Variants in FRMD4A observed in about 807,000 individuals in gnomAD.
FRMD4A encodes the protein FERM domain containing 4A.
Under a neutral mutation model 129.1 loss-of-function variants are expected in FRMD4A, and 29 were observed. That is an observed-to-expected ratio of 0.22 (90% CI 0.17 to 0.31). FRMD4A has a LOEUF of 0.31. Ranked by LOEUF, FRMD4A falls within the 10% of genes least tolerant of loss-of-function variation. The probability of loss-of-function intolerance (pLI) is 1.00; values close to 1 mark genes in which losing one functional copy is unlikely to be tolerated. For missense variants in FRMD4A, 1,272 were observed against 1,375.8 expected, an observed-to-expected ratio of 0.92 and a Z score of 1.19; for synonymous variants, 634 against 571.6, an observed-to-expected ratio of 1.11 and a Z score of -1.56.
chr10:14,281,023 G>A (rs566082726), intron 2 of FRMD4A, among the ~76,000 whole-genome samples: 11 of 95,330 alleles, frequency 1.2e-4, no homozygotes, highest in East Asian at 2.9e-4. Context: ...ACGGAGTTTC[G>A]ATCTTGTTGC....
Position 13,657,179 on chromosome 10 carries a change from G to A in FRMD4A, c.2410C>T (p.Leu804=), listed in dbSNP as rs2082237327. The A allele has an allele frequency of 6.8e-7, 1 of 1,467,600 alleles. No individual in the cohort carries two copies. Among genetic ancestry groups the A allele is most frequent in the East Asian group, 2.8e-5 (1 of 35,468 alleles). 90.9% of individuals were successfully genotyped at this position (1,467,600 alleles called of 1,614,324 possible). The change falls in exon 22 of 25, where the codon CTG becomes TTG. Residue 804 remains leucine (L), a synonymous_variant. Transcript: ENST00000357447. ...CCCCCCGCACCCCCGCGCGCCGCCA[G>A]GTTGGGCATGCTGCCCGAGCTGGCT... ...GSASSGSMPN[L]AARGGAGGAG... is the part of the protein sequence containing the mutation.
intron 2 of FRMD4A, among the ~76,000 whole-genome samples, chr10:13,884,166 A>ACACT (rs1564971026): frequency 2.2e-5 from 1 of 44,944 alleles, no homozygotes; most frequent in African/African-American, 8.1e-5. Context: ...TCACACACAC[A>ACACT]CTCACACACT....
chr10:13,925,248 C>T (rs1474530980), intron 2 of FRMD4A, among the ~76,000 whole-genome samples: 1 of 152,066 alleles, frequency 6.6e-6, no homozygotes, highest in Non-Finnish European at 1.5e-5. Flanking sequence ...ACTGACTGCA[C>T]CAATGGTGGG....
At position 13,842,652 on chromosome 10, in the gene FRMD4A, G is replaced by A. The variant is rs1391521181; in HGVS notation, c.111+16195C>T. ...CTTTTCCCGCATTGGTGGCTCTTAA[G>A]TGCTGGTATATTTTCTGTTGGTCAG... On this transcript the variant is annotated intron_variant, in intron 3 of 24. Transcript: ENST00000357447. 2.6e-5 allele frequency among the ~76,000 whole-genome samples: 4 copies of A among 152,222 alleles called. No individual in the cohort carries two copies. The East Asian group carries it at 7.7e-4, about 29-fold the overall frequency.
chr10:14,048,880 TAGAATAGAATAGAATAGAATAG>T (rs879779187), intron 2 of FRMD4A, among the ~76,000 whole-genome samples: 1,268 of 113,116 alleles, frequency 0.011, 19 homozygotes, highest in African/African-American at 0.038. Context: ...TAGAATAGAA[TAGAATAGAATAGAATAGAATAG>T]AAAATAAAAT....
rs534532823 is a variant in FRMD4A, at chr10:13,856,187, G to A, written c.111+2660C>T. Among the ~76,000 whole-genome samples the A allele has an allele frequency of 5.9e-5, 9 of 151,276 alleles. No individual in the cohort carries two copies. The East Asian group carries it at 1.7e-3, about 29-fold the overall frequency. ...GTGTGTATCTATGTATAGGTAGATAGTGTGTGTATCTATAGATGGATTTTG... is the reference window on the plus strand; with the variant it reads ...GTGTGTATCTATGTATAGGTAGATAATGTGTGTATCTATAGATGGATTTTG... On this transcript the variant is annotated intron_variant, in intron 3 of 24. Transcript: ENST00000357447.
At chr10:14,004,587 T>C (rs2095654951) in intron 2 of FRMD4A, among the ~76,000 whole-genome samples, 2 of 152,150 alleles carry the variant, frequency 1.3e-5, no homozygotes, top group Non-Finnish European at 2.9e-5. Flanking sequence ...CAAATGTTCT[T>C]ATACACAAAG....
intron 5 of FRMD4A, among the ~76,000 whole-genome samples, chr10:13,795,803 C>G (rs2093104403): frequency 6.6e-6 from 1 of 152,188 alleles, no homozygotes; most frequent in Admixed American, 6.5e-5. Flanking sequence ...AACCCCTGAC[C>G]TGCCCAGCCT....
intron 19 of FRMD4A, 123 bp downstream of exon 19, chr10:13,663,330 G>A: frequency 1.5e-6 from 1 of 657,016 alleles, no homozygotes; most frequent in Non-Finnish European, 2.8e-6. Flanking sequence ...AGAGCTTGCA[G>A]GGAGCCCAGC....
intron 2 of FRMD4A, among the ~76,000 whole-genome samples, chr10:13,952,166 T>C (rs1816326022): frequency 6.6e-6 from 1 of 151,114 alleles, no homozygotes; most frequent in South Asian, 2.1e-4. Context: ...ATTTTTCAAG[T>C]AATATATGCT....
chr10:13,743,454 T>G (rs2091123751), intron 9 of FRMD4A, among the ~76,000 whole-genome samples: 1 of 152,108 alleles, frequency 6.6e-6, no homozygotes, highest in Admixed American at 6.6e-5. Flanking sequence ...CTTTTTCCTT[T>G]GCAGCACTAG....
intron 13 of FRMD4A, among the ~76,000 whole-genome samples, chr10:13,702,539 CAT>C (rs765676995): frequency 7.1e-5 from 9 of 126,510 alleles, no homozygotes; most frequent in East Asian, 6.3e-4. Context: ...TGTGTGTTTG[CAT>C]GTGTGTGTGT....
At chr10:14,039,245 C>T (rs906509259) in intron 2 of FRMD4A, among the ~76,000 whole-genome samples, 14 of 152,094 alleles carry the variant, frequency 9.2e-5, no homozygotes, top group Admixed American at 7.2e-4. Flanking sequence ...TTAATTATAT[C>T]CTTTTGCTTA....
intron 16 of FRMD4A, among the ~76,000 whole-genome samples, chr10:13,673,605 C>G (rs1338898893): frequency 1.3e-5 from 2 of 151,886 alleles, no homozygotes; most frequent in South Asian, 2.1e-4. Context: ...CACACACACA[C>G]AGAGTCATGT....
chr10:14,262,628 A>G (rs1022906375), intron 2 of FRMD4A, among the ~76,000 whole-genome samples: 1 of 152,146 alleles, frequency 6.6e-6, no homozygotes, highest in African/African-American at 2.4e-5. Context: ...TGAGTTAAAG[A>G]CACACAAAAG....
chr10:14,306,671 G>C (rs1431896524), intron 2 of FRMD4A, among the ~76,000 whole-genome samples: 1 of 152,210 alleles, frequency 6.6e-6, no homozygotes, highest in Non-Finnish European at 1.5e-5. Flanking sequence ...GCCCCTGTAA[G>C]GGGAATGCAC....
chr10:13,656,964 C>A lies in FRMD4A; in HGVS notation c.2625G>T (p.Ala875=). 2 of 1,541,064 alleles carry A rather than the reference C, an allele frequency of 1.3e-6. No individual in the cohort carries two copies. The highest frequency in any genetic ancestry group is 1.7e-6 in the Non-Finnish European group (2 of 1,151,200). ...AQFKTSNSYT[A]GGLFKESWRG... ...GCCAGCTCTCCTTGAACAGGCCGCCCGCCGTGTAGGAGTTGGACGTCTTGA... is the reference window on the plus strand; with the variant it reads ...GCCAGCTCTCCTTGAACAGGCCGCCAGCCGTGTAGGAGTTGGACGTCTTGA... Residue 875 remains alanine (A), a synonymous_variant, in exon 22 of 25, where the codon GCG becomes GCT. Transcript: ENST00000357447.
rs186897030 is a variant in FRMD4A at position 13,787,694 on chromosome 10, A to C, written c.300-4688T>G. Among the ~76,000 whole-genome samples the C allele has an allele frequency of 1.2e-3, 175 of 151,824 alleles. 1 individual carries two copies. Among genetic ancestry groups the C allele is most frequent in the Admixed American group, 0.011 (166 of 15,250 alleles). On this transcript the variant is annotated intron_variant, in intron 5 of 24. Coordinates refer to ENST00000357447, the MANE Select transcript of FRMD4A (RefSeq NM_018027.5). ...GGCTGGTCTTGAACTCCTGAGCTCA[A>C]GTAATTATCCTACCCTGACCTCCCA...
At chr10:14,178,606 A>G (rs1194426999) in intron 2 of FRMD4A, among the ~76,000 whole-genome samples, 2 of 152,202 alleles carry the variant, frequency 1.3e-5, no homozygotes, top group African/African-American at 4.8e-5. Flanking sequence ...AACCTGGGCA[A>G]TAAATGTCCG....
Sources: allele counts gnomAD v4.1 joint callset (sites outside exome capture counted in the v4.1 genomes callset), GRCh38; gene constraint gnomAD v4.1.1; transcripts MANE v1.5; gene names NCBI Gene and HGNC (gene_info 2026-07-23, HGNC 2026-07-21).